CALCR: variants seen among roughly 807,000 people sequenced by gnomAD.
The protein encoded by CALCR is calcitonin receptor.
CALCR carries 47 observed loss-of-function variants against 59.5 expected under a neutral mutation model. That is an observed-to-expected ratio of 0.79 (90% CI 0.63 to 1.01). The LOEUF is 1.01. Among genes scored for constraint, CALCR ranks in the 50% least tolerant of loss-of-function variants. CALCR has a pLI of 0.00. For missense variants in CALCR, 566 were observed against 597.1 expected (o/e 0.95, Z 0.54); for synonymous variants, 213 against 211.3 (o/e 1.01, Z -0.07).
In CALCR at chr7:93,532,912, A is replaced by T. The variant is rs16868432; in HGVS notation, c.-27+41377T>A. Among the ~76,000 whole-genome samples the T allele has an allele frequency of 4.8e-3, 724 of 149,994 alleles. 7 individuals are homozygous for T. Among genetic ancestry groups the T allele is most frequent in the African/African-American group, 0.017 (689 of 40,696 alleles). On this transcript the variant is annotated intron_variant, in intron 2 of 13. Transcript: ENST00000426151. Reference sequence around the variant, plus strand: ...TTCTTTCATGAGCTTTCACAAAATGAGGGTGATAATAGTACTTGCCTTCCA... The same window carrying T: ...TTCTTTCATGAGCTTTCACAAAATGTGGGTGATAATAGTACTTGCCTTCCA...
intron 2 of CALCR, among the ~76,000 whole-genome samples, chr7:93,503,407 A>ACAC (rs1562999526): frequency 2.6e-4 from 40 of 150,954 alleles, no homozygotes; most frequent in African/African-American, 9.7e-4. Context: ...AATAATTAGA[A>ACAC]ACACACACAC....
chr7:93,463,590 T>C (rs1232251326), intron 7 of CALCR, among the ~76,000 whole-genome samples: 1 of 151,962 alleles, frequency 6.6e-6, no homozygotes, highest in Non-Finnish European at 1.5e-5. Context: ...CTGGTAGATA[T>C]CAGGAATATA....
At chr7:93,557,709 C>T (rs1789644246) in intron 2 of CALCR, among the ~76,000 whole-genome samples, 1 of 151,754 alleles carries the variant, frequency 6.6e-6, no homozygotes, top group African/African-American at 2.4e-5. Flanking sequence ...TTGTGTTTCT[C>T]CTAGTGTATC....
At chr7:93,429,935 T>TTTTG (rs1799620057) in intron 13 of CALCR, among the ~76,000 whole-genome samples, 2 of 106,368 alleles carry the variant, frequency 1.9e-5, no homozygotes, top group African/African-American at 7.2e-5. Context: ...TGTTTGTTTG[T>TTTTG]TTTTTTGTTT....
chr7:93,432,618 G>A (rs1286717831), intron 13 of CALCR, among the ~76,000 whole-genome samples: 1 of 152,148 alleles, frequency 6.6e-6, no homozygotes, highest in Non-Finnish European at 1.5e-5. Context: ...GGGTACCCCT[G>A]GGTTTGCTTT....
chr7:93,528,863 T>C lies in CALCR; in HGVS notation c.-26-41856A>G, dbSNP rs553779444. ...CATTCAAGTTGCTAATTTAGCCTGA[T>C]ACTGATAGTATTTAACCAACTTTAT... On this transcript the variant is annotated intron_variant, in intron 2 of 13. Transcript: ENST00000426151. Among the ~76,000 whole-genome samples, 5 of 152,334 alleles carry C rather than the reference T, an allele frequency of 3.3e-5. No individual in the cohort carries two copies. In the East Asian group the frequency reaches 9.7e-4, roughly 29 times the overall value.
At chr7:93,481,340 G>A (rs1800792199) in intron 3 of CALCR, among the ~76,000 whole-genome samples, 1 of 151,684 alleles carries the variant, frequency 6.6e-6, no homozygotes, top group South Asian at 2.1e-4. Flanking sequence ...TGGGGTGGGG[G>A]CAGCCAGGAA....
intron 2 of CALCR, among the ~76,000 whole-genome samples, chr7:93,506,936 A>G (rs1482342755): frequency 6.6e-6 from 1 of 152,156 alleles, no homozygotes; most frequent in Non-Finnish European, 1.5e-5. Flanking sequence ...TGATTGTTTT[A>G]TAAAGGGCAG....
In CALCR at chr7:93,432,326, T is replaced by G. The variant is rs563733203; in HGVS notation, c.1191+1927A>C. On this transcript the variant is annotated intron_variant, in intron 13 of 13. Coordinates refer to ENST00000426151, the MANE Select transcript of CALCR (RefSeq NM_001742.4). ...CAGGCACCATCCCATCACAGCCCTATCTTAGATGCAGCTGGAAATAACTTC... is the reference window on the plus strand; with the variant it reads ...CAGGCACCATCCCATCACAGCCCTAGCTTAGATGCAGCTGGAAATAACTTC... 2.6e-5 allele frequency among the ~76,000 whole-genome samples: 4 copies of G among 152,254 alleles called. No homozygotes were observed. The East Asian group carries it at 7.7e-4, about 29-fold the overall frequency.
At chr7:93,541,645 G>A (rs1297026959) in intron 2 of CALCR, among the ~76,000 whole-genome samples, 2 of 152,116 alleles carry the variant, frequency 1.3e-5, no homozygotes, top group East Asian at 3.9e-4. Context: ...GATTCTATGG[G>A]CTAGAGGACA....
Position 93,468,743 on chromosome 7 carries a change from T to C in CALCR, c.493A>G (p.Ile165Val). The C allele has an allele frequency of 3.7e-6, 6 of 1,610,570 alleles. No homozygotes were observed. The highest frequency in any genetic ancestry group is 5.1e-6 in the Non-Finnish European group (6 of 1,177,910). ...AAAAACACGAAAATCCCCAGGGAAA[T>C]CACTAGGGTGAAAATTGACAAAGAA... Reference protein sequence around the residue: ...GHSLSIFTLVISLGIFVFFRS... With the variant: ...GHSLSIFTLVVSLGIFVFFRS... The change falls in exon 7 of 14, where the codon ATT (isoleucine) becomes GTT (valine). Residue 165 changes from isoleucine (I) to valine (V), a missense_variant. By Grantham distance (29) the Ile-to-Val change is conservative. Transcript: ENST00000426151.
At chr7:93,463,057 A>C (rs1018240379) in intron 7 of CALCR, among the ~76,000 whole-genome samples, 1 of 151,906 alleles carries the variant, frequency 6.6e-6, no homozygotes, top group Non-Finnish European at 1.5e-5. Context: ...AGCTGTGACC[A>C]CTAAGCAATT....
rs961390030 is a variant in CALCR at position 93,496,378 on chromosome 7, A to T, written c.-26-9371T>A. On this transcript the variant is annotated intron_variant, in intron 2 of 13. Coordinates refer to ENST00000426151, the MANE Select transcript of CALCR (RefSeq NM_001742.4). Reference sequence around the variant, plus strand: ...GACCATGAAACACTTTTATGGTGTGATAACAATTAATAACCCATCTATAGA... The same window carrying T: ...GACCATGAAACACTTTTATGGTGTGTTAACAATTAATAACCCATCTATAGA... Among the ~76,000 whole-genome samples, 3 of 151,614 alleles carry T rather than the reference A, an allele frequency of 2.0e-5. No individual in the cohort carries two copies. In the East Asian group the frequency reaches 5.8e-4, roughly 29 times the overall value.
At chr7:93,434,389 GAA>G (rs200558502) in intron 12 of CALCR, 95 bp from the exon 13 acceptor site, 662 of 507,668 alleles carry the variant, frequency 1.3e-3, no homozygotes, top group South Asian at 2.6e-3. Flanking sequence ...AAGGCCTGAT[GAA>G]AAAAAAAAAA....
intron 2 of CALCR, among the ~76,000 whole-genome samples, chr7:93,510,698 T>A (rs1393721693): frequency 2.0e-5 from 3 of 151,852 alleles, no homozygotes; most frequent in Non-Finnish European, 4.4e-5. Flanking sequence ...AGAGACACTG[T>A]CTCTACAAAA....
At position 93,495,798 on chromosome 7, in the gene CALCR, T is replaced by C. The variant is rs17165491; in HGVS notation, c.-26-8791A>G. Reference sequence around the variant, plus strand: ...AATGTGGAGCCTAAAAATCTGATTGTTGTGGCTGATTTAGAACATGCAAAT... The same window carrying C: ...AATGTGGAGCCTAAAAATCTGATTGCTGTGGCTGATTTAGAACATGCAAAT... On this transcript the variant is annotated intron_variant, in intron 2 of 13. Coordinates refer to ENST00000426151, the MANE Select transcript of CALCR (RefSeq NM_001742.4). 0.05 allele frequency: 49,129 copies of C among 990,198 alleles called. 3,648 individuals are homozygous for C. Among genetic ancestry groups the C allele is most frequent in the East Asian group, 0.3 (10,883 of 36,840 alleles). 61.3% of individuals were successfully genotyped at this position (990,198 alleles called of 1,614,324 possible).
intron 3 of CALCR, among the ~76,000 whole-genome samples, chr7:93,479,953 A>G (rs1054906729): frequency 6.6e-5 from 10 of 151,900 alleles, no homozygotes; most frequent in African/African-American, 2.2e-4. Flanking sequence ...TGATTCTTTC[A>G]GCTAAATTTT....
At chr7:93,549,777 C>T (rs12154674) in intron 2 of CALCR, among the ~76,000 whole-genome samples, 57,830 of 151,930 alleles carry the variant, frequency 0.38, 12,144 homozygotes, top group Non-Finnish European at 0.48. Context: ...ATAACCTAAC[C>T]GAGATGTAAA....
intron 2 of CALCR, chr7:93,496,003 A>G: frequency 2.5e-6 from 3 of 1,217,472 alleles, no homozygotes; most frequent in Non-Finnish European, 1.1e-6. Context: ...AAAATCAGTA[A>G]ATCAATGATA....
Sources: allele counts gnomAD v4.1 joint callset (sites outside exome capture counted in the v4.1 genomes callset), GRCh38; gene constraint gnomAD v4.1.1; transcripts MANE v1.5; gene names NCBI Gene and HGNC (gene_info 2026-07-23, HGNC 2026-07-21).